The following ZC3H13 variants were observed in gnomAD, a reference collection of about 807,000 sequenced individuals.
ZC3H13 encodes zinc finger CCCH domain-containing protein 13.
A neutral mutation model predicts 204.1 loss-of-function variants in ZC3H13; 64 were observed. That is an observed-to-expected ratio of 0.31 (90% CI 0.26 to 0.39). The LOEUF is 0.39. Among genes scored for constraint, ZC3H13 ranks in the 10% least tolerant of loss-of-function variants. The probability of loss-of-function intolerance (pLI) is 1.00; values close to 1 mark genes in which losing one functional copy is unlikely to be tolerated. For missense variants in ZC3H13, 1,833 were observed against 2,082.7 expected (o/e 0.88, Z 2.33); for synonymous variants, 667 against 693.7 (o/e 0.96, Z 0.60).
intron 17 of ZC3H13, chr13:45,962,847 T>C (rs1214773398): frequency 3.0e-6 from 3 of 985,186 alleles, no homozygotes; most frequent in Non-Finnish European, 3.6e-6. Flanking sequence ...TACTCGTCCC[T>C]CCCCATTAAT....
chr13:46,048,758 C>T (rs544112616), intron 1 of ZC3H13, among the ~76,000 whole-genome samples: 1 of 151,982 alleles, frequency 6.6e-6, no homozygotes, highest in African/African-American at 2.4e-5. Flanking sequence ...CAAGATTCAC[C>T]TACATAGTAA....
intron 8 of ZC3H13, among the ~76,000 whole-genome samples, chr13:45,991,914 A>T (rs912402080): frequency 6.6e-6 from 1 of 152,186 alleles, no homozygotes; most frequent in Non-Finnish European, 1.5e-5. Context: ...GAAATTTAAA[A>T]ATAAAAACTC....
Position 46,003,309 on chromosome 13 carries a change from C to G in ZC3H13, c.774G>C (p.Lys258Asn), listed in dbSNP as rs1165904683. Residue 258 changes from lysine to asparagine, a missense_variant, in exon 8 of 19, where the codon AAG becomes AAC. Lys to Asn is a moderately conservative substitution (Grantham distance 94, BLOSUM62 0). This residue lies in a region of ZC3H13 where 1,574 missense variants were observed against 1,757.2 expected (regional missense o/e 0.90). Coordinates refer to ENST00000679008, the MANE Select transcript of ZC3H13 (RefSeq NM_001330564.2). The part of the protein sequence containing the change: ...QRNSKTNQSK[K>N]KGPRTPSPPP... The stretch of plus-strand genomic sequence containing the variant: ...GTGGACTAGGAGTACGTGGTCCTTT[C>G]TTTTTACTTTGGTTGGTTTTTGAAT... 2 of 1,607,514 alleles carry G rather than the reference C, an allele frequency of 1.2e-6. No homozygotes were observed. Among genetic ancestry groups the G allele is most frequent in the Non-Finnish European group, 1.7e-6 (2 of 1,178,532 alleles).
chr13:45,999,703 C>T (rs1049752711), intron 8 of ZC3H13, among the ~76,000 whole-genome samples: 1 of 152,190 alleles, frequency 6.6e-6, no homozygotes, highest in Admixed American at 6.5e-5. Flanking sequence ...CTGTGAATGA[C>T]GAATGTTCTT....
intron 5 of ZC3H13, among the ~76,000 whole-genome samples, chr13:46,013,952 TGAA>T (rs1436575884): frequency 1.3e-5 from 2 of 151,996 alleles, no homozygotes; most frequent in Non-Finnish European, 2.9e-5. Flanking sequence ...GAGAAAGAAA[TGAA>T]GAAAGTATAC....
chr13:45,959,750 C>T, intron 17 of ZC3H13, 104 bp from the exon 18 acceptor site: 1 of 1,243,740 alleles, frequency 8.0e-7, no homozygotes, highest in Non-Finnish European at 1.1e-6. Flanking sequence ...TTAAAGTTAG[C>T]AACATTGGTG....
intron 12 of ZC3H13, among the ~76,000 whole-genome samples, chr13:45,973,707 CT>C (rs1952777236): frequency 7.0e-6 from 1 of 143,794 alleles, no homozygotes; most frequent in Non-Finnish European, 1.5e-5. Context: ...AAGCAGAGGA[CT>C]GAATAAAAGA....
At chr13:46,045,368 T>C in intron 2 of ZC3H13, 23 bp downstream of exon 2, 3 of 1,572,594 alleles carry the variant, frequency 1.9e-6, no homozygotes, top group Non-Finnish European at 2.6e-6. Flanking sequence ...AGAACCCCTG[T>C]GACTATACTA....
intron 5 of ZC3H13, among the ~76,000 whole-genome samples, chr13:46,018,447 G>T (rs1336885595): frequency 1.3e-5 from 2 of 152,210 alleles, no homozygotes; most frequent in East Asian, 3.9e-4. Context: ...ATAGAAGAGA[G>T]TGTATCACAA....
At chr13:45,991,606 T>C (rs1428410226) in intron 8 of ZC3H13, among the ~76,000 whole-genome samples, 1 of 152,226 alleles carries the variant, frequency 6.6e-6, no homozygotes, top group Non-Finnish European at 1.5e-5. Flanking sequence ...GATTAATTCG[T>C]CTTATGCTTT....
At chr13:45,979,572 C>G (rs1953366772) in intron 11 of ZC3H13, among the ~76,000 whole-genome samples, 1 of 152,108 alleles carries the variant, frequency 6.6e-6, no homozygotes, top group African/African-American at 2.4e-5. Context: ...GAGAAACACA[C>G]AGTAGGGCAC....
At position 45,980,010 on chromosome 13, in the gene ZC3H13, C is replaced by T. The variant is rs766181207; in HGVS notation, c.1721-6G>A. ...ACCTCTTGAGCCTCGACTTCCTAAA[C>T]AAAGGATAGACACACAAATGTTTAC... On this transcript the variant is annotated splice_polypyrimidine_tract_variant and splice_region_variant and intron_variant, in intron 10 of 18. Transcript: ENST00000679008. 1.9e-6 allele frequency: 3 copies of T among 1,588,374 alleles called. No homozygotes were observed. Among genetic ancestry groups the T allele is most frequent in the South Asian group, 2.3e-5 (2 of 86,434 alleles).
rs149589662 is a variant in ZC3H13, at chr13:45,993,212, A to T, written c.945-4115T>A. On this transcript the variant is annotated intron_variant, in intron 8 of 18. Coordinates refer to ENST00000679008, the MANE Select transcript of ZC3H13 (RefSeq NM_001330564.2). ...CAACAAAATAGAACTGTTAGGTCCA[A>T]AAAAACACAAAAAGTATGTGCTTTT... Among the ~76,000 whole-genome samples the T allele has an allele frequency of 1.9e-3, 290 of 152,346 alleles. 1 individual carries two copies. Among genetic ancestry groups the T allele is most frequent in the African/African-American group, 5.7e-3 (237 of 41,580 alleles).
chr13:46,025,391 T>C (rs763452688), intron 4 of ZC3H13, among the ~76,000 whole-genome samples: 4 of 152,156 alleles, frequency 2.6e-5, no homozygotes, highest in Non-Finnish European at 4.4e-5. Context: ...ACTGTAGTCT[T>C]GACCTCTTGG....
intron 1 of ZC3H13, among the ~76,000 whole-genome samples, chr13:46,052,196 G>A (rs2044502561): frequency 6.6e-6 from 1 of 151,768 alleles, no homozygotes; most frequent in Non-Finnish European, 1.5e-5. Context: ...TCTACTTATC[G>A]CCCTTAGACA....
chr13:46,031,615 T>C (rs894294900), intron 4 of ZC3H13, among the ~76,000 whole-genome samples: 5 of 152,104 alleles, frequency 3.3e-5, no homozygotes, highest in Non-Finnish European at 5.9e-5. Flanking sequence ...TTTTTAAAAA[T>C]AGGCAAAAGA....
At chr13:45,970,339 G>T in intron 13 of ZC3H13, 23 bp downstream of exon 13, 1 of 1,606,036 alleles carries the variant, frequency 6.2e-7, no homozygotes, top group South Asian at 1.1e-5. Flanking sequence ...AATATAGAGA[G>T]ACAGAAAACA....
At chr13:46,021,692 A>G (rs1444619889) in intron 4 of ZC3H13, among the ~76,000 whole-genome samples, 1 of 151,984 alleles carries the variant, frequency 6.6e-6, no homozygotes, top group Non-Finnish European at 1.5e-5. Context: ...ATAATTTGTA[A>G]GTTATATGAG....
chr13:45,968,031 AAAAT>A lies in ZC3H13; in HGVS notation c.3797-7_3797-4del, dbSNP rs1360829462. ...ATGGCTTCTTGAATCCTGGCGATCTAAAATAAATATACCATATATAAAGAGTTAT... is the reference window on the plus strand; with the variant it reads ...ATGGCTTCTTGAATCCTGGCGATCTAAAATATACCATATATAAAGAGTTAT... On this transcript the variant is annotated splice_polypyrimidine_tract_variant and splice_region_variant and intron_variant, in intron 14 of 18. Coordinates refer to ENST00000679008, the MANE Select transcript of ZC3H13 (RefSeq NM_001330564.2). 1.3e-6 allele frequency: 2 copies of A among 1,574,410 alleles called. No individual in the cohort carries two copies. The highest frequency in any genetic ancestry group is 2.2e-5 in the East Asian group (1 of 44,772).
Sources: allele counts gnomAD v4.1 joint callset (sites outside exome capture counted in the v4.1 genomes callset), GRCh38; gene constraint gnomAD v4.1.1; regional missense constraint gnomAD v4.1.1; transcripts MANE v1.5; gene names NCBI Gene and HGNC (gene_info 2026-07-23, HGNC 2026-07-21).